The following SEMA3E variants were observed in gnomAD, a reference collection of about 807,000 sequenced individuals.
The protein encoded by SEMA3E is semaphorin 3E.
SEMA3E carries 49 observed loss-of-function variants against 93.6 expected under a neutral mutation model. That is an observed-to-expected ratio of 0.52 (90% confidence interval 0.42 to 0.66). The LOEUF (loss-of-function observed/expected upper bound fraction) is 0.66. Ranked by LOEUF, SEMA3E falls within the 30% of genes least tolerant of loss-of-function variation. The pLI is 0.00. For synonymous variants in SEMA3E, 363 were observed against 330.7 expected, an observed-to-expected ratio of 1.10 and a Z score of -1.06; for missense variants, 906 against 964.8, an observed-to-expected ratio of 0.94 and a Z score of 0.81.
chr7:83,489,962 C>G, intron 2 of SEMA3E, 152 bp downstream of exon 2: 2 of 726,716 alleles, frequency 2.8e-6, no homozygotes, highest in Non-Finnish European at 2.3e-6. Flanking sequence ...ATCATTTCCT[C>G]AAAATGATTT....
chr7:83,453,523 A>C (rs2115828347), intron 4 of SEMA3E, among the ~76,000 whole-genome samples: 1 of 152,226 alleles, frequency 6.6e-6, no homozygotes, highest in South Asian at 2.1e-4. Context: ...AACAAACAAA[A>C]CCATATACAG....
chr7:83,419,793 CA>C (rs1788637385), intron 4 of SEMA3E, among the ~76,000 whole-genome samples: 1 of 151,584 alleles, frequency 6.6e-6, no homozygotes, highest in Non-Finnish European at 1.5e-5. Flanking sequence ...TTAAAACTCT[CA>C]ACAAACTAGG....
intron 1 of SEMA3E, among the ~76,000 whole-genome samples, chr7:83,571,146 T>C (rs1247924451): frequency 6.6e-6 from 1 of 151,072 alleles, no homozygotes; most frequent in Non-Finnish European, 1.5e-5. Flanking sequence ...TTCTAACAGA[T>C]ATACAAACAA....
At position 83,367,524 on chromosome 7, in the gene SEMA3E, T is replaced by A; in HGVS notation, c.*62A>T. 1.3e-6 allele frequency: 2 copies of A among 1,537,404 alleles called. No individual in the cohort carries two copies. Among genetic ancestry groups the A allele is most frequent in the Non-Finnish European group, 1.8e-6 (2 of 1,110,850 alleles). ...AATGCAAAGAAGTTGGATGATTTATTTTTTTACTTTTTTACTTTCCAAATA... is the reference window on the plus strand; with the variant it reads ...AATGCAAAGAAGTTGGATGATTTATATTTTTACTTTTTTACTTTCCAAATA... On this transcript the variant is annotated 3_prime_UTR_variant, in exon 17 of 17. Transcript: ENST00000643230.
rs55650354 is a variant in SEMA3E at position 83,457,638 on chromosome 7, C to T, written c.456+8844G>A. Among the ~76,000 whole-genome samples the T allele has an allele frequency of 5.9e-3, 904 of 152,092 alleles. 10 individuals are homozygous for T. Among genetic ancestry groups the T allele is most frequent in the African/African-American group, 0.021 (862 of 41,410 alleles). On this transcript the variant is annotated intron_variant, in intron 4 of 16. Transcript: ENST00000643230. ...TAAATACCTTCATGATCTCTCATAA[C>T]GATCATGTAATAGCCTCCTTAAATT... is the stretch of plus-strand genomic sequence containing the variant.
Position 83,456,967 on chromosome 7 carries a change from A to G in SEMA3E, c.456+9515T>C, listed in dbSNP as rs868012898. ...ATATTATTACATTTATTATGTCACT[A>G]TTCAGTAATCTCCTTTCTAATTACT... On this transcript the variant is annotated intron_variant, in intron 4 of 16. Coordinates refer to ENST00000643230, the MANE Select transcript of SEMA3E (RefSeq NM_012431.3). Among the ~76,000 whole-genome samples the G allele has an allele frequency of 6.6e-5, 10 of 152,286 alleles. 1 individual carries two copies. The South Asian group carries it at 1.0e-3, about 16-fold the overall frequency.
chr7:83,565,730 A>C (rs1460479009), intron 1 of SEMA3E, among the ~76,000 whole-genome samples: 1 of 152,092 alleles, frequency 6.6e-6, no homozygotes, highest in Non-Finnish European at 1.5e-5. Context: ...AAGGCTACAG[A>C]ATAACTACAT....
At chr7:83,600,078 C>A (rs952170563) in intron 1 of SEMA3E, among the ~76,000 whole-genome samples, 2 of 152,134 alleles carry the variant, frequency 1.3e-5, no homozygotes, top group African/African-American at 4.8e-5. Flanking sequence ...TCCCAATCTA[C>A]TTTTACTCTC....
At chr7:83,447,290 A>G (rs1789252397) in intron 4 of SEMA3E, among the ~76,000 whole-genome samples, 1 of 152,190 alleles carries the variant, frequency 6.6e-6, no homozygotes, top group Non-Finnish European at 1.5e-5. Flanking sequence ...TAATCCCAGC[A>G]CCTTGGGAGG....
chr7:83,472,123 CT>C (rs1272070482), intron 2 of SEMA3E, among the ~76,000 whole-genome samples: 1 of 152,108 alleles, frequency 6.6e-6, no homozygotes, highest in Non-Finnish European at 1.5e-5. Context: ...TGTACATGCC[CT>C]TTTTGGATCT....
At chr7:83,536,313 G>C (rs1464184726) in intron 1 of SEMA3E, among the ~76,000 whole-genome samples, 3 of 151,994 alleles carry the variant, frequency 2.0e-5, no homozygotes, top group Non-Finnish European at 2.9e-5. Flanking sequence ...TTGGCCAGGA[G>C]AATGTCTTAG....
chr7:83,444,812 A>G (rs1789191577), intron 4 of SEMA3E, among the ~76,000 whole-genome samples: 1 of 152,000 alleles, frequency 6.6e-6, no homozygotes, highest in African/African-American at 2.4e-5. Context: ...CCGGGACTAC[A>G]GGCACACATC....
intron 4 of SEMA3E, among the ~76,000 whole-genome samples, chr7:83,419,839 A>G (rs947400062): frequency 6.6e-5 from 10 of 151,392 alleles, no homozygotes; most frequent in South Asian, 6.3e-4. Context: ...AATAAGTCGT[A>G]TATGACAAAC....
At chr7:83,457,847 C>G (rs1789520925) in intron 4 of SEMA3E, among the ~76,000 whole-genome samples, 1 of 152,060 alleles carries the variant, frequency 6.6e-6, no homozygotes, top group Non-Finnish European at 1.5e-5. Flanking sequence ...GTTCTCTAAC[C>G]AACATAAATT....
chr7:83,381,312 T>C (rs1358549153), intron 16 of SEMA3E, among the ~76,000 whole-genome samples: 1 of 152,022 alleles, frequency 6.6e-6, no homozygotes, highest in Non-Finnish European at 1.5e-5. Flanking sequence ...CACACTGCTC[T>C]TCACTCAGCT....
At position 83,367,674 on chromosome 7, in the gene SEMA3E, G is replaced by A; in HGVS notation, c.2240C>T (p.Ser747Phe). The A allele has an allele frequency of 6.2e-7, 1 of 1,614,072 alleles. No homozygotes were observed. Among genetic ancestry groups the A allele is most frequent in the Non-Finnish European group, 8.5e-7 (1 of 1,180,006 alleles). The change falls in exon 17 of 17, where the codon TCC becomes TTC. Residue 747 changes from serine (S) to phenylalanine (F), a missense_variant. Transcript: ENST00000643230. ...RKRKKLKMSPSKWKYANPQEK... is the reference protein window; with the variant it reads ...RKRKKLKMSPFKWKYANPQEK... ...CTGAGGGTTGGCATACTTCCACTTG[G>A]AGGGTGACATTTTAAGCTTTTTCCT... is the stretch of plus-strand genomic sequence containing the variant.
intron 1 of SEMA3E, among the ~76,000 whole-genome samples, chr7:83,599,696 A>G (rs904707487): frequency 6.6e-6 from 1 of 152,240 alleles, no homozygotes; most frequent in African/African-American, 2.4e-5. Context: ...TTAGAACTAC[A>G]GAATGGTATG....
intron 16 of SEMA3E, among the ~76,000 whole-genome samples, chr7:83,370,359 C>T (rs776175451): frequency 2.6e-5 from 4 of 152,130 alleles, no homozygotes; most frequent in African/African-American, 4.8e-5. Context: ...TTCTTCTAGT[C>T]TCCCTATCCT....
intron 1 of SEMA3E, among the ~76,000 whole-genome samples, chr7:83,511,422 C>A (rs759915043): frequency 1.3e-4 from 20 of 151,926 alleles, no homozygotes; most frequent in Non-Finnish European, 2.5e-4. Flanking sequence ...GATTACAGTC[C>A]TCTATTCAGT....
Sources: gnomAD v4.1 joint callset for allele counts (sites outside exome capture counted in the v4.1 genomes callset) on GRCh38, gnomAD v4.1.1 for gene constraint, MANE v1.5 for transcripts, NCBI Gene and HGNC (gene_info 2026-07-23, HGNC 2026-07-21) for gene names.